NHEJ1: variants seen among roughly 807,000 people sequenced by gnomAD.
NHEJ1 encodes the protein non-homologous end joining factor 1.
NHEJ1 carries 22 observed loss-of-function variants against 39.4 expected under a neutral mutation model. That is an observed-to-expected ratio of 0.56 (90% CI 0.40 to 0.80). The LOEUF is 0.80. Among genes scored for constraint, NHEJ1 ranks in the 30% least tolerant of loss-of-function variants. The probability of loss-of-function intolerance (pLI) is 0.00; values close to 1 mark genes in which losing one functional copy is unlikely to be tolerated. For synonymous variants in NHEJ1, 154 were observed against 135.6 expected, an observed-to-expected ratio of 1.14 and a Z score of -0.94; for missense variants, 329 against 357.1, an observed-to-expected ratio of 0.92 and a Z score of 0.63.
intron 5 of NHEJ1, among the ~76,000 whole-genome samples, chr2:219,094,929 T>C (rs1259300772): frequency 2.0e-5 from 3 of 152,114 alleles, no homozygotes; most frequent in Non-Finnish European, 4.4e-5. Flanking sequence ...ACATTATCTG[T>C]CAAGGCCTTG....
chr2:219,077,435 C>T (rs1315591228), intron 6 of NHEJ1, 71 bp from the exon 7 acceptor site: 2 of 1,190,280 alleles, frequency 1.7e-6, no homozygotes, highest in African/African-American at 1.5e-5. Context: ...TTAGCATTCA[C>T]CAAGCATTCT....
At chr2:219,158,943 T>A (rs1485187725) in intron 1 of NHEJ1, 2 of 169,606 alleles carry the variant, frequency 1.2e-5, no homozygotes, top group Non-Finnish European at 2.6e-5. Context: ...TAGAATTATA[T>A]GAAAATGTTA....
chr2:219,085,539 A>G (rs995245291), intron 5 of NHEJ1, among the ~76,000 whole-genome samples: 9 of 152,136 alleles, frequency 5.9e-5, no homozygotes, highest in African/African-American at 2.2e-4. Context: ...TGTGCCTGCA[A>G]CAAGGTCTTC....
chr2:219,132,260 T>C (rs1166685718), intron 5 of NHEJ1, among the ~76,000 whole-genome samples: 1 of 152,256 alleles, frequency 6.6e-6, no homozygotes, highest in Non-Finnish European at 1.5e-5. Flanking sequence ...ATCCATTTTA[T>C]ATTGATTCTT....
chr2:219,084,369 C>T (rs1949093772), intron 5 of NHEJ1, among the ~76,000 whole-genome samples: 1 of 152,192 alleles, frequency 6.6e-6, no homozygotes, highest in African/African-American at 2.4e-5. Context: ...TGAGAAGCAT[C>T]TGTATTAACT....
Position 219,158,206 on chromosome 2 carries a change from C to T in NHEJ1, c.157G>A (p.Val53Met), listed in dbSNP as rs779270410. The change falls in exon 2 of 8, where the codon GTG becomes ATG. Residue 53 changes from valine to methionine, a missense_variant. Transcript: ENST00000356853. ...CTTACCTTGGCTCGCTGGCTGACCA[C>T]ACTAGTGTCCACCTGTTCATGCCAC... ...QVWHEQVDTS[V>M]VSQRAKELNK... 5 of 1,614,200 alleles carry T rather than the reference C, an allele frequency of 3.1e-6. No individual in the cohort carries two copies. The highest frequency in any genetic ancestry group is 1.7e-6 in the Non-Finnish European group (2 of 1,180,042).
chr2:219,139,357 G>A (rs1162929987), intron 5 of NHEJ1, among the ~76,000 whole-genome samples: 1 of 152,116 alleles, frequency 6.6e-6, no homozygotes, highest in Non-Finnish European at 1.5e-5. Flanking sequence ...AAAAGTGCTG[G>A]GATTACAGGC....
rs528969190 is a variant in NHEJ1, at chr2:219,100,260, C to T, written c.589-22054G>A. 8.5e-5 allele frequency among the ~76,000 whole-genome samples: 13 copies of T among 152,160 alleles called. 1 individual carries two copies. The East Asian group carries it at 1.2e-3, about 14-fold the overall frequency. On this transcript the variant is annotated intron_variant, in intron 5 of 7. Coordinates refer to ENST00000356853, the MANE Select transcript of NHEJ1 (RefSeq NM_024782.3). ...CCAAACAGATACAAATCTATCAGGA[C>T]GTGAGAACAGGGTCTTCGAAGGTCC...
At chr2:219,087,494 G>T (rs191935093) in intron 5 of NHEJ1, among the ~76,000 whole-genome samples, 1 of 152,136 alleles carries the variant, frequency 6.6e-6, no homozygotes, top group African/African-American at 2.4e-5. Context: ...CCACCAAAAG[G>T]ATTCTCTTTC....
chr2:219,122,041 C>T (rs1949476315), intron 5 of NHEJ1, among the ~76,000 whole-genome samples: 1 of 152,132 alleles, frequency 6.6e-6, no homozygotes. Flanking sequence ...GGGGCAATAT[C>T]TCCCACCTAA....
rs754822415 is a variant in NHEJ1, at chr2:219,157,514, G to T, written c.348C>A (p.Pro116=). 1 of 1,614,140 alleles carries T rather than the reference G, an allele frequency of 6.2e-7. No homozygotes were observed. Among genetic ancestry groups the T allele is most frequent in the South Asian group, 1.1e-5 (1 of 91,078 alleles). Residue 116 remains proline (P), a synonymous_variant, in exon 3 of 8, where the codon CCC becomes CCA. Transcript: ENST00000356853. ...LRVRSELSGL[P]FYWNFHCMLA... ...GCATGCAGTGGAAATTCCAATAGAA[G>T]GGGAGGCCAGAGAGCTCACTTCGCA...
At chr2:219,109,590 A>G (rs1260021663) in intron 5 of NHEJ1, among the ~76,000 whole-genome samples, 3 of 152,326 alleles carry the variant, frequency 2.0e-5, no homozygotes, top group African/African-American at 4.8e-5. Flanking sequence ...CTGTGTCCCA[A>G]CTACAACCAT....
In NHEJ1 at chr2:219,072,256, A is replaced by G. The variant is rs899915540; in HGVS notation, c.*4125T>C. On this transcript the variant is annotated 3_prime_UTR_variant, in exon 8 of 8. Coordinates refer to ENST00000356853, the MANE Select transcript of NHEJ1 (RefSeq NM_024782.3). ...CCCTGTAGCAGCTTCCAGGGCATCAATGCAGCTGGGAACCCCCCTCCTATA... is the reference window on the plus strand; with the variant it reads ...CCCTGTAGCAGCTTCCAGGGCATCAGTGCAGCTGGGAACCCCCCTCCTATA... Among the ~76,000 whole-genome samples the G allele has an allele frequency of 1.3e-5, 2 of 152,188 alleles. No homozygotes were observed. The highest frequency in any genetic ancestry group is 6.5e-5 in the Admixed American group (1 of 15,274).
In NHEJ1 at chr2:219,158,572, GT is replaced by G. The variant is rs951031365; in HGVS notation, c.1-211del. ...TAAAAGTATATTTAAAATCTTGAGG[GT>G]TTTTTTTTTCCCATATTACATTCCT... On this transcript the variant is annotated intron_variant, in intron 1 of 7. Coordinates refer to ENST00000356853, the MANE Select transcript of NHEJ1 (RefSeq NM_024782.3). Among the ~76,000 whole-genome samples the G allele has an allele frequency of 6.6e-4, 98 of 149,248 alleles. 1 individual carries two copies. The highest frequency in any genetic ancestry group is 3.3e-3 in the East Asian group (17 of 5,120).
chr2:219,146,874 GAGA>G (rs766702838), intron 4 of NHEJ1, 136 bp from the exon 5 acceptor site: 2 of 711,448 alleles, frequency 2.8e-6, no homozygotes, highest in Non-Finnish European at 5.0e-6. Context: ...AGTTCAGTGG[GAGA>G]AGAAGGGCTG....
chr2:219,087,900 A>T (rs1411452583), intron 5 of NHEJ1, among the ~76,000 whole-genome samples: 4 of 152,244 alleles, frequency 2.6e-5, no homozygotes, highest in African/African-American at 9.6e-5. Context: ...AAAATATATT[A>T]AAAACTCTTA....
At chr2:219,152,847 G>C (rs1286816070) in intron 3 of NHEJ1, among the ~76,000 whole-genome samples, 5 of 141,446 alleles carry the variant, frequency 3.5e-5, no homozygotes, top group African/African-American at 1.2e-4. Flanking sequence ...GCTGTAGCCA[G>C]GCTGGAGTGC....
rs915345460 is a variant in NHEJ1 at position 219,071,783 on chromosome 2, G to T, written c.*4598C>A. On this transcript the variant is annotated 3_prime_UTR_variant, in exon 8 of 8. Transcript: ENST00000356853. ...TCCAGTGCTTCTTCCGGGTTCCCCT[G>T]GTAGGCTGGCCCAGATTCTTGAGAA... Among the ~76,000 whole-genome samples the T allele has an allele frequency of 7.9e-5, 12 of 152,326 alleles. No individual in the cohort carries two copies. The highest frequency in any genetic ancestry group is 2.4e-4 in the African/African-American group (10 of 41,562).
intron 5 of NHEJ1, among the ~76,000 whole-genome samples, chr2:219,135,457 A>C (rs879467086): frequency 3.3e-5 from 5 of 152,120 alleles, no homozygotes; most frequent in Non-Finnish European, 7.4e-5. Flanking sequence ...AAATACAAAA[A>C]AATTAGCCAG....
Sources: allele counts gnomAD v4.1 joint callset (sites outside exome capture counted in the v4.1 genomes callset), GRCh38; gene constraint gnomAD v4.1.1; transcripts MANE v1.5; gene names NCBI Gene and HGNC (gene_info 2026-07-23, HGNC 2026-07-21).